Variants in CR1L observed in about 807,000 individuals in gnomAD.
CR1L encodes the protein complement component receptor 1-like protein.
In CR1L, 59 loss-of-function variants were observed where a neutral mutation model predicts 62.3. The observed-to-expected ratio is 0.95, with a 90% CI of 0.77 to 1.18. The LOEUF (loss-of-function observed/expected upper bound fraction) is 1.18, where lower values mean the gene tolerates loss of function less well. Among genes scored for constraint, CR1L ranks in the 50% most tolerant of loss-of-function variants. CR1L has a pLI of 0.00. For synonymous variants in CR1L, 279 were observed against 248.7 expected, an observed-to-expected ratio of 1.12 and a Z score of -1.15; for missense variants, 700 against 702.8, an observed-to-expected ratio of 1.00 and a Z score of 0.04.
chr1:207,707,381 A>T (rs1664283217), intron 9 of CR1L, among the ~76,000 whole-genome samples: 1 of 152,202 alleles, frequency 6.6e-6, no homozygotes, highest in Non-Finnish European at 1.5e-5. Context: ...TAGTCCCAGC[A>T]CTTTGGGAGG....
chr1:207,721,042 C>T (rs531045573), intron 11 of CR1L, among the ~76,000 whole-genome samples: 69 of 152,284 alleles, frequency 4.5e-4, no homozygotes, highest in African/African-American at 1.6e-3. Flanking sequence ...CGATGCAACA[C>T]AGCCTTGAAA....
At chr1:207,688,781 G>C (rs1440152869) in intron 4 of CR1L, among the ~76,000 whole-genome samples, 1 of 151,830 alleles carries the variant, frequency 6.6e-6, no homozygotes, top group African/African-American at 2.4e-5. Context: ...CCTTATAGAA[G>C]TCATGTACAT....
rs145531017 is a variant in CR1L, at chr1:207,687,382, T to C, written c.463+3425T>C. Among the ~76,000 whole-genome samples, 37 of 152,304 alleles carry C rather than the reference T, an allele frequency of 2.4e-4. No individual in the cohort carries two copies. In the East Asian group the frequency reaches 6.6e-3, roughly 27 times the overall value. ...TTTGCTGAAGTATAACATATATATG[T>C]AGTAAAGTGCACACATCTTAATTAT... On this transcript the variant is annotated intron_variant, in intron 4 of 11. Coordinates refer to ENST00000508064, the MANE Select transcript of CR1L (RefSeq NM_175710.2).
rs550088772 is a variant in CR1L, at chr1:207,670,640, A to G, written c.98-6749A>G. On this transcript the variant is annotated intron_variant, in intron 1 of 11. Coordinates refer to ENST00000508064, the MANE Select transcript of CR1L (RefSeq NM_175710.2). ...CTAGACGTTTTGCATTCATTATTTG[A>G]GTGTTCCTTCTTCTCTAAAAGAGTA... Among the ~76,000 whole-genome samples the G allele has an allele frequency of 3.3e-5, 5 of 151,066 alleles. No individual in the cohort carries two copies. The South Asian group carries it at 8.3e-4, about 25-fold the overall frequency.
chr1:207,712,858 T>C (rs1664380391), intron 10 of CR1L, among the ~76,000 whole-genome samples: 1 of 152,162 alleles, frequency 6.6e-6, no homozygotes, highest in Non-Finnish European at 1.5e-5. Context: ...CCTTTGTTTG[T>C]GATGAAGGGT....
chr1:207,695,320 G>A (rs1289607314), intron 5 of CR1L, among the ~76,000 whole-genome samples: 2 of 152,014 alleles, frequency 1.3e-5, no homozygotes, highest in Non-Finnish European at 2.9e-5. Flanking sequence ...TATAGAGATC[G>A]AATCTCACCA....
intron 1 of CR1L, among the ~76,000 whole-genome samples, chr1:207,674,203 G>A (rs1663655572): frequency 6.6e-6 from 1 of 152,194 alleles, no homozygotes; most frequent in African/African-American, 2.4e-5. Flanking sequence ...ATGTTTGGAT[G>A]CATTACAGAA....
At chr1:207,700,991 C>A (rs1474878866) in intron 8 of CR1L, among the ~76,000 whole-genome samples, 2 of 152,128 alleles carry the variant, frequency 1.3e-5, no homozygotes, top group South Asian at 2.1e-4. Context: ...ATAAGAGAAA[C>A]CTTTTTTCAA....
At chr1:207,662,267 A>G (rs1275695699) in intron 1 of CR1L, among the ~76,000 whole-genome samples, 1 of 152,170 alleles carries the variant, frequency 6.6e-6, no homozygotes, top group Non-Finnish European at 1.5e-5. Context: ...CATTCTCCCC[A>G]TCACTTTCAG....
chr1:207,645,849 G>A (rs1467100134), intron 1 of CR1L, among the ~76,000 whole-genome samples: 1 of 152,208 alleles, frequency 6.6e-6, no homozygotes, highest in African/African-American at 2.4e-5. Flanking sequence ...GGCTGGGCTG[G>A]GCGAGCAGGG....
intron 5 of CR1L, among the ~76,000 whole-genome samples, 172 bp from the exon 6 acceptor site, chr1:207,697,331 G>A (rs1490152305): frequency 6.6e-6 from 1 of 152,170 alleles, no homozygotes; most frequent in African/African-American, 2.4e-5. Flanking sequence ...TATGAGTGAT[G>A]GCAAGACATC....
At chr1:207,655,464 CTTTTTG>C (rs953450895) in intron 1 of CR1L, among the ~76,000 whole-genome samples, 3 of 151,932 alleles carry the variant, frequency 2.0e-5, no homozygotes, top group African/African-American at 4.8e-5. Flanking sequence ...AGTATTGATT[CTTTTTG>C]TTTTTGTTTT....
intron 1 of CR1L, among the ~76,000 whole-genome samples, chr1:207,675,901 T>C (rs1663682715): frequency 6.6e-6 from 1 of 152,216 alleles, no homozygotes; most frequent in African/African-American, 2.4e-5. Context: ...TGGTAAAGTA[T>C]AGCTTTAGTT....
intron 1 of CR1L, among the ~76,000 whole-genome samples, chr1:207,659,420 G>A (rs1663372477): frequency 1.3e-5 from 2 of 152,234 alleles, no homozygotes; most frequent in Admixed American, 1.3e-4. Context: ...GTCTACTGGA[G>A]GACAGTGAGC....
chr1:207,699,058 A>T lies in CR1L; in HGVS notation c.1143-131A>T. ...GGCTGTGATTTTTCCAGAATAACGT[A>T]GCCTGTGCAACTCTGCCACCTGCTG... On this transcript the variant is annotated intron_variant, in intron 7 of 11. Transcript: ENST00000508064. The T allele has an allele frequency of 2.7e-6, 3 of 1,109,188 alleles. No homozygotes were observed. The South Asian group carries it at 4.0e-5, about 15-fold the overall frequency. 68.7% of individuals were successfully genotyped at this position (1,109,188 alleles called of 1,614,324 possible).
chr1:207,663,809 C>T (rs1663467025), intron 1 of CR1L, among the ~76,000 whole-genome samples: 2 of 152,216 alleles, frequency 1.3e-5, no homozygotes, highest in Admixed American at 1.3e-4. Flanking sequence ...GATCTGTTGA[C>T]ACCTTTACTG....
Position 207,645,286 on chromosome 1 carries a change from G to C in CR1L, c.53G>C (p.Gly18Ala). Reference sequence around the variant, plus strand: ...CCCTTTCCTTCCCGGCGCTTTCCTGGGTTGCTTCTGGCGGCCCTGGTGTTG... The same window carrying C: ...CCCTTTCCTTCCCGGCGCTTTCCTGCGTTGCTTCTGGCGGCCCTGGTGTTG... ...ERPFPSRRFP[G>A]LLLAALVLLL... is the part of the protein sequence containing the mutation. Residue 18 changes from glycine to alanine, a missense_variant, in exon 1 of 12, where the codon GGG becomes GCG. Physicochemically the swap from Gly to Ala is moderately conservative, Grantham distance 60 (BLOSUM62 0). Coordinates refer to ENST00000508064, the MANE Select transcript of CR1L (RefSeq NM_175710.2). 6.2e-7 allele frequency: 1 copy of C among 1,613,916 alleles called. No homozygotes were observed. Among genetic ancestry groups the C allele is most frequent in the Non-Finnish European group, 8.5e-7 (1 of 1,180,014 alleles).
chr1:207,714,057 C>G lies in CR1L; in HGVS notation c.1415-3407C>G, dbSNP rs146241021. On this transcript the variant is annotated intron_variant, in intron 10 of 11. Coordinates refer to ENST00000508064, the MANE Select transcript of CR1L (RefSeq NM_175710.2). ...CGTTTGGTGGGTCCTGAGTTCTTGT[C>G]CCGCATCCAAGAAGAACAAGCTTAT... Among the ~76,000 whole-genome samples the G allele has an allele frequency of 1.1e-4, 16 of 152,298 alleles. No homozygotes were observed. In the East Asian group the frequency reaches 3.1e-3, roughly 29 times the overall value.
In CR1L at chr1:207,697,522, T is replaced by C. The variant is rs2102470337; in HGVS notation, c.882T>C (p.Asp294=). ...CCCCAGTATGTCAGCCACCTCCAGATGTCCTGCATGCTGAGCGTACCCAAA... is the reference window on the plus strand; with the variant it reads ...CCCCAGTATGTCAGCCACCTCCAGACGTCCTGCATGCTGAGCGTACCCAAA... ...SCSRVCQPPP[D]VLHAERTQRD... The change falls in exon 6 of 12, where the codon GAT becomes GAC. Residue 294 remains aspartate, a synonymous_variant. Coordinates refer to ENST00000508064, the MANE Select transcript of CR1L (RefSeq NM_175710.2). The C allele has an allele frequency of 6.2e-7, 1 of 1,613,808 alleles. No homozygotes were observed. The highest frequency in any genetic ancestry group is 2.2e-5 in the East Asian group (1 of 44,882).
Sources: allele counts gnomAD v4.1 joint callset (sites outside exome capture counted in the v4.1 genomes callset), GRCh38; gene constraint gnomAD v4.1.1; transcripts MANE v1.5; gene names NCBI Gene and HGNC (gene_info 2026-07-23, HGNC 2026-07-21).